ABCG8: variants seen among roughly 807,000 people sequenced by gnomAD.
ABCG8 encodes ATP-binding cassette sub-family G member 8.
In ABCG8, 81 loss-of-function variants were observed where a neutral mutation model predicts 71.3. The observed-to-expected ratio is 1.14, with a 90% CI of 0.95 to 1.37. The LOEUF is 1.37. Ranked by LOEUF, ABCG8 falls within the 40% of genes most tolerant of loss-of-function variation. The pLI is 0.00. For synonymous variants in ABCG8, 451 were observed against 354.7 expected, an observed-to-expected ratio of 1.27 and a Z score of -3.05; for missense variants, 1,119 against 866.2, an observed-to-expected ratio of 1.29 and a Z score of -3.66.
chr2:43,843,834 C>T (rs1391017101), intron 1 of ABCG8, among the ~76,000 whole-genome samples: 5 of 152,054 alleles, frequency 3.3e-5, no homozygotes, highest in African/African-American at 4.8e-5. Flanking sequence ...ACCACCACTT[C>T]GACAATAACA....
At chr2:43,845,715 A>G (rs967639537) in intron 2 of ABCG8, among the ~76,000 whole-genome samples, 2 of 151,922 alleles carry the variant, frequency 1.3e-5, no homozygotes, top group Non-Finnish European at 2.9e-5. Context: ...TCTGCCTCCC[A>G]AATTCAAGTG....
chr2:43,875,064 G>A (rs1396533447), intron 10 of ABCG8, 82 bp from the exon 11 acceptor site: 8 of 1,591,092 alleles, frequency 5.0e-6, no homozygotes, highest in East Asian at 4.5e-5. Context: ...TTGCTATCTG[G>A]GGGCACTGCT....
intron 6 of ABCG8, among the ~76,000 whole-genome samples, chr2:43,858,834 G>C (rs1164820832): frequency 6.7e-6 from 1 of 148,358 alleles, no homozygotes; most frequent in Non-Finnish European, 1.5e-5. Flanking sequence ...CTATCTATCT[G>C]GATAGAATTC....
intron 1 of ABCG8, among the ~76,000 whole-genome samples, chr2:43,840,766 C>T (rs1668558866): frequency 6.6e-6 from 1 of 152,204 alleles, no homozygotes; most frequent in African/African-American, 2.4e-5. Context: ...AACCTGTCCC[C>T]CTTTTCTGGC....
chr2:43,842,692 G>A lies in ABCG8; in HGVS notation c.64-1815G>A, dbSNP rs536038549. 2.6e-5 allele frequency among the ~76,000 whole-genome samples: 4 copies of A among 152,008 alleles called. No homozygotes were observed. In the South Asian group the frequency reaches 8.3e-4, roughly 32 times the overall value. On this transcript the variant is annotated intron_variant, in intron 1 of 12. Transcript: ENST00000272286. ...CCAAAAGCTTTGAAGCTTGATCCCC[G>A]CACTCCTACTGTGTCCCCTTTCTCC...
intron 11 of ABCG8, 139 bp from the exon 12 acceptor site, chr2:43,877,422 A>T (rs1669993603): frequency 7.3e-7 from 1 of 1,363,378 alleles, no homozygotes; most frequent in Non-Finnish European, 1.0e-6. Flanking sequence ...AGACTGTGGG[A>T]ATATGGGGAG....
At chr2:43,876,393 T>A (rs909650869) in intron 11 of ABCG8, among the ~76,000 whole-genome samples, 1 of 152,134 alleles carries the variant, frequency 6.6e-6, no homozygotes, top group Non-Finnish European at 1.5e-5. Flanking sequence ...AGAGAGACTG[T>A]GTGACTGTGG....
chr2:43,841,692 C>A (rs977343787), intron 1 of ABCG8, among the ~76,000 whole-genome samples: 3 of 152,104 alleles, frequency 2.0e-5, no homozygotes, highest in African/African-American at 2.4e-5. Flanking sequence ...AACAAGCAAC[C>A]AGGCACCTCT....
Position 43,881,706 on chromosome 2 carries a change from T to TAAAA in ABCG8, c.*3793_*3794insAAAA, listed in dbSNP as rs1670135444. On this transcript the variant is annotated 3_prime_UTR_variant, in exon 13 of 13. Coordinates refer to ENST00000272286, the MANE Select transcript of ABCG8 (RefSeq NM_022437.3). ...CCTGGTGACAGAGCGATACTCTGTC[T>TAAAA]CAAAAAAAAAAAAAAAAAACCCAAG... is the stretch of plus-strand genomic sequence containing the variant. 1.5e-5 allele frequency: 1 copy of TAAAA among 65,964 alleles called. No individual in the cohort carries two copies. The allele number at this position is 65,964 out of a possible 1,614,324, so 4.1% of individuals were successfully genotyped here.
Position 43,875,241 on chromosome 2 carries a change from C to T in ABCG8, c.1584C>T (p.Phe528=), listed in dbSNP as rs1669919834. The change falls in exon 11 of 13, where the codon TTC becomes TTT. Residue 528 remains phenylalanine, a synonymous_variant. Transcript: ENST00000272286. Reference sequence around the variant, plus strand: ...ACCTGAGGCCAGGCCTCCAGCCCTTCCTGCTGCACTTCCTGCTGGTGTGGC... The same window carrying T: ...ACCTGAGGCCAGGCCTCCAGCCCTTTCTGCTGCACTTCCTGCTGGTGTGGC... ...LANLRPGLQP[F]LLHFLLVWLV... is the part of the protein sequence containing the mutation. 6.2e-7 allele frequency: 1 copy of T among 1,614,130 alleles called. No homozygotes were observed. Among genetic ancestry groups the T allele is most frequent in the South Asian group, 1.1e-5 (1 of 91,096 alleles).
intron 10 of ABCG8, 40 bp downstream of exon 10, chr2:43,874,523 C>CCTGG: frequency 1.1e-5 from 17 of 1,490,850 alleles, no homozygotes; most frequent in Non-Finnish European, 1.6e-5. Flanking sequence ...CCCCACCCAC[C>CCTGG]AGGGTGGGGG....
Position 43,849,490 on chromosome 2 carries a change from A to G in ABCG8, c.323-2094A>G, listed in dbSNP as rs7599769. On this transcript the variant is annotated intron_variant, in intron 3 of 12. Transcript: ENST00000272286. ...AGAGGAAATCTACCTTTATGATCCA[A>G]TCACCTCCCACCAGATCCCTCCCTC... is the stretch of plus-strand genomic sequence containing the variant. Among the ~76,000 whole-genome samples the G allele has an allele frequency of 6.3e-3, 952 of 152,274 alleles. 7 individuals carry two copies. The highest frequency in any genetic ancestry group is 0.022 in the African/African-American group (916 of 41,542).
At chr2:43,877,244 C>T (rs983534193) in intron 11 of ABCG8, among the ~76,000 whole-genome samples, 3 of 138,854 alleles carry the variant, frequency 2.2e-5, no homozygotes, top group African/African-American at 5.5e-5. Flanking sequence ...ATGGGGGAGG[C>T]CGTGTCAATA....
At chr2:43,865,554 ACCCTCT>A (rs1558837311) in intron 6 of ABCG8, among the ~76,000 whole-genome samples, 7 of 151,280 alleles carry the variant, frequency 4.6e-5, no homozygotes, top group South Asian at 2.1e-4. Flanking sequence ...TAGAATTCTC[ACCCTCT>A]AGATAGAACT....
In ABCG8 at chr2:43,839,102, C is replaced by A. The variant is rs1668464670; in HGVS notation, c.49C>A (p.Pro17Thr). Reference protein sequence around the residue: ...EERGLPKGATPQDTSGLQDRL... With the variant: ...EERGLPKGATTQDTSGLQDRL... ...GAGAGGGCTGCCGAAAGGGGCCACT[C>A]CCCAGGATACCTCGGTGAGTGAGCA... The change falls in exon 1 of 13, where the codon CCC becomes ACC. Residue 17 changes from proline (P) to threonine (T), a missense_variant. Pro to Thr is a conservative substitution (Grantham distance 38). Coordinates refer to ENST00000272286, the MANE Select transcript of ABCG8 (RefSeq NM_022437.3). The A allele has an allele frequency of 6.4e-7, 1 of 1,551,234 alleles. No individual in the cohort carries two copies. Among genetic ancestry groups the A allele is most frequent in the Non-Finnish European group, 8.7e-7 (1 of 1,146,788 alleles).
intron 6 of ABCG8, among the ~76,000 whole-genome samples, chr2:43,864,827 G>A (rs542708168): frequency 1.4e-5 from 2 of 139,162 alleles, no homozygotes; most frequent in East Asian, 1.9e-4. Context: ...TATCTAGATA[G>A]AATACTCACT....
rs765738598 is a variant in ABCG8, at chr2:43,877,637, A to C, written c.1833A>C (p.Arg611Ser). 1 of 1,614,120 alleles carries C rather than the reference A, an allele frequency of 6.2e-7. No homozygotes were observed. The highest frequency in any genetic ancestry group is 8.5e-7 in the Non-Finnish European group (1 of 1,180,008). Residue 611 changes from arginine to serine, a missense_variant, in exon 12 of 13, where the codon AGA becomes AGC. Coordinates refer to ENST00000272286, the MANE Select transcript of ABCG8 (RefSeq NM_022437.3). ...EGLMKIQFSR[R>S]TYKMPLGNLT... is the part of the protein sequence containing the mutation. ...TGATGAAGATTCAGTTCAGCAGAAG[A>C]ACTTATAAAATGCCTCTCGGGAACC...
intron 6 of ABCG8, among the ~76,000 whole-genome samples, chr2:43,855,799 T>C (rs576748900): frequency 2.0e-5 from 3 of 152,284 alleles, no homozygotes; most frequent in Non-Finnish European, 1.5e-5. Context: ...TCTCACTATC[T>C]ATCTGGATGG....
Position 43,881,918 on chromosome 2 carries a change from G to A in ABCG8, c.*4005G>A, listed in dbSNP as rs1670142245. ...AATTACTTAACTCTGCTGTTACAGT[G>A]TGAGAGCAGCTGTAGACTATAGTAA... On this transcript the variant is annotated 3_prime_UTR_variant, in exon 13 of 13. Coordinates refer to ENST00000272286, the MANE Select transcript of ABCG8 (RefSeq NM_022437.3). 2 of 152,168 alleles carry A rather than the reference G, an allele frequency of 1.3e-5. No individual in the cohort carries two copies. Among genetic ancestry groups the A allele is most frequent in the South Asian group, 4.1e-4 (2 of 4,830 alleles). The allele number at this position is 152,168 out of a possible 1,614,324, so 9.4% of individuals were successfully genotyped here.
Sources: allele counts gnomAD v4.1 joint callset (sites outside exome capture counted in the v4.1 genomes callset), GRCh38; gene constraint gnomAD v4.1.1; transcripts MANE v1.5; gene names NCBI Gene and HGNC (gene_info 2026-07-23, HGNC 2026-07-21).